The following TMEM132D variants were observed in gnomAD, a reference collection of about 807,000 sequenced individuals.
TMEM132D encodes transmembrane protein 132D.
TMEM132D carries 21 observed loss-of-function variants against 62.3 expected under a neutral mutation model. The observed-to-expected ratio is 0.34, with a 90% CI of 0.24 to 0.49. TMEM132D has a LOEUF of 0.49. Among genes scored for constraint, TMEM132D ranks in the 20% least tolerant of loss-of-function variants. The probability of loss-of-function intolerance (pLI) is 0.99; values close to 1 mark genes in which losing one functional copy is unlikely to be tolerated. For synonymous variants in TMEM132D, 621 were observed against 575.6 expected, an observed-to-expected ratio of 1.08 and a Z score of -1.13; for missense variants, 1,346 against 1,402.8, an observed-to-expected ratio of 0.96 and a Z score of 0.65.
chr12:129,312,358 T>C (rs1171446937), intron 4 of TMEM132D, among the ~76,000 whole-genome samples: 1 of 152,120 alleles, frequency 6.6e-6, no homozygotes, highest in Non-Finnish European at 1.5e-5. Flanking sequence ...AAAAGATTTA[T>C]TAAGTTTTAG....
At chr12:129,358,233 T>C (rs1403698682) in intron 3 of TMEM132D, among the ~76,000 whole-genome samples, 1 of 152,192 alleles carries the variant, frequency 6.6e-6, no homozygotes, top group East Asian at 1.9e-4. Flanking sequence ...ATTTCTGGGT[T>C]TCATTGCTCG....
At chr12:129,901,861 ACCC>A (rs371570871) in intron 1 of TMEM132D, among the ~76,000 whole-genome samples, 4 of 129,630 alleles carry the variant, frequency 3.1e-5, no homozygotes, top group South Asian at 2.7e-4. Context: ...GTGAGAACCA[ACCC>A]CCCCCGCCCC....
intron 2 of TMEM132D, among the ~76,000 whole-genome samples, chr12:129,532,808 T>C (rs1428171667): frequency 6.6e-6 from 1 of 152,144 alleles, no homozygotes; most frequent in Non-Finnish European, 1.5e-5. Context: ...TCAGGTGAGC[T>C]CCTCTGGCAG....
intron 2 of TMEM132D, among the ~76,000 whole-genome samples, chr12:129,620,217 A>G (rs1229595678): frequency 6.6e-6 from 1 of 152,188 alleles, no homozygotes; most frequent in African/African-American, 2.4e-5. Flanking sequence ...GGCTGGAATT[A>G]CCGTGGCAGC....
intron 3 of TMEM132D, among the ~76,000 whole-genome samples, chr12:129,432,613 C>G (rs1012480915): frequency 3.3e-5 from 5 of 152,200 alleles, no homozygotes; most frequent in Non-Finnish European, 7.3e-5. Context: ...GCGTGAAATT[C>G]AAGTAATATA....
At chr12:129,286,275 G>A (rs1881294769) in intron 4 of TMEM132D, among the ~76,000 whole-genome samples, 2 of 152,180 alleles carry the variant, frequency 1.3e-5, no homozygotes, top group African/African-American at 4.8e-5. Context: ...GTGGGCATTG[G>A]TGTTTCATGT....
chr12:129,442,522 G>A (rs1872969609), intron 3 of TMEM132D, among the ~76,000 whole-genome samples: 1 of 152,176 alleles, frequency 6.6e-6, no homozygotes, highest in African/African-American at 2.4e-5. Context: ...GACTCCAAAA[G>A]TGGTTAGTGA....
intron 5 of TMEM132D, among the ~76,000 whole-genome samples, chr12:129,117,771 A>G (rs1287305607): frequency 6.6e-6 from 1 of 152,078 alleles, no homozygotes; most frequent in Non-Finnish European, 1.5e-5. Flanking sequence ...CCTTTTAAGG[A>G]TTTTTTTCTT....
chr12:129,550,397 C>T (rs1439557894), intron 2 of TMEM132D, among the ~76,000 whole-genome samples: 2 of 152,224 alleles, frequency 1.3e-5, no homozygotes, highest in African/African-American at 2.4e-5. Context: ...CTCTGATTGC[C>T]CCTCTGAAAT....
chr12:129,130,165 C>T (rs1249742822), intron 5 of TMEM132D, among the ~76,000 whole-genome samples: 1 of 151,940 alleles, frequency 6.6e-6, no homozygotes, highest in African/African-American at 2.4e-5. Flanking sequence ...AGGATGGATT[C>T]CTTCAACCTC....
At chr12:129,614,312 T>G (rs1037854585) in intron 2 of TMEM132D, among the ~76,000 whole-genome samples, 1 of 152,216 alleles carries the variant, frequency 6.6e-6, no homozygotes, top group Non-Finnish European at 1.5e-5. Flanking sequence ...AGAAGTAAGC[T>G]GTTTCTGAGA....
chr12:129,632,542 G>C lies in TMEM132D; in HGVS notation c.968+67268C>G, dbSNP rs1490704259. Among the ~76,000 whole-genome samples, 3 of 152,168 alleles carry C rather than the reference G, an allele frequency of 2.0e-5. No individual in the cohort carries two copies. In the East Asian group the frequency reaches 5.8e-4, roughly 29 times the overall value. On this transcript the variant is annotated intron_variant, in intron 2 of 8. Transcript: ENST00000422113. ...ACCTCCCCATTCATTTTTACCTCCT[G>C]TCTCCTCCTGGCTGTGTTTTCTTCC...
At chr12:129,298,754 T>G (rs546046758) in intron 4 of TMEM132D, among the ~76,000 whole-genome samples, 2 of 152,332 alleles carry the variant, frequency 1.3e-5, no homozygotes, top group East Asian at 3.9e-4. Context: ...GTGTCTGGCT[T>G]ATTTCACTTA....
intron 1 of TMEM132D, among the ~76,000 whole-genome samples, chr12:129,859,347 C>A (rs1406430376): frequency 2.0e-5 from 3 of 152,172 alleles, no homozygotes; most frequent in Admixed American, 2.0e-4. Flanking sequence ...ATAGCAAAAA[C>A]CGCAATTACT....
intron 3 of TMEM132D, among the ~76,000 whole-genome samples, chr12:129,444,941 A>G (rs1179135085): frequency 3.3e-5 from 5 of 152,206 alleles, no homozygotes. Flanking sequence ...AAAGAACTAC[A>G]AACAAAACTA....
chr12:129,572,345 G>A (rs1240299680), intron 2 of TMEM132D, among the ~76,000 whole-genome samples: 1 of 152,250 alleles, frequency 6.6e-6, no homozygotes, highest in Non-Finnish European at 1.5e-5. Context: ...CCTGGACGGT[G>A]CCCGGTGTCC....
At chr12:129,633,614 T>C (rs1440661878) in intron 2 of TMEM132D, among the ~76,000 whole-genome samples, 1 of 152,154 alleles carries the variant, frequency 6.6e-6, no homozygotes, top group East Asian at 1.9e-4. Context: ...GTCAGCTCTT[T>C]GGGAATTTAA....
chr12:129,131,272 C>A (rs537897918), intron 5 of TMEM132D, among the ~76,000 whole-genome samples: 4 of 152,134 alleles, frequency 2.6e-5, no homozygotes, highest in Non-Finnish European at 5.9e-5. Flanking sequence ...ATTTTGGGGT[C>A]CAAAGATGAC....
chr12:129,411,597 C>T (rs1296147828), intron 3 of TMEM132D, among the ~76,000 whole-genome samples: 5 of 152,096 alleles, frequency 3.3e-5, no homozygotes, highest in Non-Finnish European at 1.5e-5. Context: ...TCAAGCAATC[C>T]TCCCACCTCC....
Sources: allele counts gnomAD v4.1 joint callset (sites outside exome capture counted in the v4.1 genomes callset), GRCh38; gene constraint gnomAD v4.1.1; transcripts MANE v1.5; gene names NCBI Gene and HGNC (gene_info 2026-07-23, HGNC 2026-07-21).